The following UBA6 variants were observed in gnomAD, a reference collection of about 807,000 sequenced individuals.
UBA6 encodes the protein ubiquitin like modifier activating enzyme 6, also known as ubiquitin-like modifier-activating enzyme 6.
A neutral mutation model predicts 148.3 loss-of-function variants in UBA6; 87 were observed. The ratio of observed to expected loss-of-function variants is 0.59; its 90% CI spans 0.49 to 0.70. UBA6 has a LOEUF of 0.70. UBA6 is among the 30% of genes least tolerant of loss of function. The pLI, the probability that UBA6 is intolerant of heterozygous loss-of-function variation, is 0.00. For synonymous variants in UBA6, 376 were observed against 401.0 expected (o/e 0.94, Z 0.75); for missense variants, 1,186 against 1,241.2 (o/e 0.96, Z 0.67).
chr4:67,669,914 C>G (rs1441359621), intron 8 of UBA6, among the ~76,000 whole-genome samples: 2 of 151,976 alleles, frequency 1.3e-5, no homozygotes, highest in Non-Finnish European at 2.9e-5. Context: ...AAATTTATGA[C>G]AAGCAAATGT....
chr4:67,675,800 G>T (rs1372866482), intron 6 of UBA6, among the ~76,000 whole-genome samples: 1 of 151,792 alleles, frequency 6.6e-6, no homozygotes, highest in Non-Finnish European at 1.5e-5. Flanking sequence ...GAGAAAGAAA[G>T]AAAAATAAAT....
At chr4:67,678,266 T>C (rs1236846665) in intron 5 of UBA6, among the ~76,000 whole-genome samples, 173 bp downstream of exon 5, 2 of 150,808 alleles carry the variant, frequency 1.3e-5, no homozygotes, top group Non-Finnish European at 3.0e-5. Context: ...AAAGGAAATA[T>C]TCTAAGTAAA....
chr4:67,663,485 C>A, intron 11 of UBA6: 2 of 367,970 alleles, frequency 5.4e-6, no homozygotes, highest in Non-Finnish European at 4.8e-6. Context: ...ACATTTACTG[C>A]TACAAAATTA....
At chr4:67,649,246 C>CT (rs762398324) in intron 13 of UBA6, 35 bp from the exon 14 acceptor site, 1 of 1,587,586 alleles carries the variant, frequency 6.3e-7, no homozygotes, top group Non-Finnish European at 8.6e-7. Flanking sequence ...ATAACATTAA[C>CT]AGCATTTACA....
intron 4 of UBA6, among the ~76,000 whole-genome samples, chr4:67,678,790 C>T (rs535514937): frequency 6.6e-6 from 1 of 152,266 alleles, no homozygotes; most frequent in South Asian, 2.1e-4. Flanking sequence ...ATGAGCGACT[C>T]TCATTATTAC....
chr4:67,634,329 C>T lies in UBA6; in HGVS notation c.1933-7G>A, dbSNP rs374267352. 9.5e-6 allele frequency: 15 copies of T among 1,571,104 alleles called. No individual in the cohort carries two copies. In the African/African-American group the frequency reaches 1.8e-4, roughly 19 times the overall value. On this transcript the variant is annotated splice_region_variant and splice_polypyrimidine_tract_variant and intron_variant, in intron 21 of 32. Transcript: ENST00000322244. ...GGGAAAAGGAACTTTCAAACTGTAA[C>T]AGAGAAAAGAAAAAAAAAATTACAA...
At chr4:67,691,543 G>C (rs1730693806) in intron 2 of UBA6, among the ~76,000 whole-genome samples, 1 of 152,068 alleles carries the variant, frequency 6.6e-6, no homozygotes. Context: ...GAATATTGCA[G>C]GAAAAAGTGA....
At position 67,701,151 on chromosome 4, in the gene UBA6, A is replaced by C; in HGVS notation, c.-32T>G. ...CTGAGACACCGCCGCCGGCTACTGG[A>C]AGGTAGGAAGGGGCGGGACCGTGGG... On this transcript the variant is annotated 5_prime_UTR_variant, in exon 1 of 33. Transcript: ENST00000322244. The C allele has an allele frequency of 6.2e-7, 1 of 1,607,288 alleles. No individual in the cohort carries two copies. The highest frequency in any genetic ancestry group is 8.5e-7 in the Non-Finnish European group (1 of 1,178,970).
Position 67,629,100 on chromosome 4 carries a change from T to C in UBA6, c.2371A>G (p.Lys791Glu). 6.2e-7 allele frequency: 1 copy of C among 1,610,196 alleles called. No individual in the cohort carries two copies. The highest frequency in any genetic ancestry group is 8.5e-7 in the Non-Finnish European group (1 of 1,177,182). ...DALLNILSEV[K>E]IQEFKPSNKV... Reference sequence around the variant, plus strand: ...TTGGAAGGCTTGAATTCCTGAATCTTTACTTCTGAAAGAATATTCAAGAGG... The same window carrying C: ...TTGGAAGGCTTGAATTCCTGAATCTCTACTTCTGAAAGAATATTCAAGAGG... Residue 791 changes from lysine (K) to glutamate (E), a missense_variant, in exon 27 of 33, where the codon AAG becomes GAG. Lys to Glu is a moderately conservative substitution (Grantham distance 56). Coordinates refer to ENST00000322244, the MANE Select transcript of UBA6 (RefSeq NM_018227.6).
chr4:67,629,732 A>G (rs927935381), intron 26 of UBA6, among the ~76,000 whole-genome samples: 2 of 152,066 alleles, frequency 1.3e-5, no homozygotes, highest in African/African-American at 4.8e-5. Context: ...CCCAAAAAGA[A>G]TATCAGACTG....
At chr4:67,629,191 TA>T in intron 26 of UBA6, 49 bp from the exon 27 acceptor site, 1 of 1,249,450 alleles carries the variant, frequency 8.0e-7, no homozygotes. Flanking sequence ...TTCTAAATTC[TA>T]AAGCTAAAAA....
At position 67,613,500 on chromosome 4, in the gene UBA6, C is replaced by T. The variant is rs920803677; in HGVS notation, c.*5497G>A. The stretch of plus-strand genomic sequence containing the variant: ...ACTGCAGGAGTGACAAATTTACATG[C>T]TTTCAATTAGAAATATGAGAACTGA... On this transcript the variant is annotated 3_prime_UTR_variant, in exon 33 of 33. Coordinates refer to ENST00000322244, the MANE Select transcript of UBA6 (RefSeq NM_018227.6). The T allele has an allele frequency of 9.9e-5, 15 of 152,100 alleles. No individual in the cohort carries two copies. The highest frequency in any genetic ancestry group is 3.6e-4 in the African/African-American group (15 of 41,416). 9.4% of individuals were successfully genotyped at this position (152,100 alleles called of 1,614,324 possible). A position where few individuals can be genotyped will look rare whatever the true frequency, so the allele number is the denominator to read the frequency against.
In UBA6 at chr4:67,670,488, G is replaced by T; in HGVS notation, c.651C>A (p.Phe217Leu). The T allele has an allele frequency of 6.3e-7, 1 of 1,581,314 alleles. No individual in the cohort carries two copies. The highest frequency in any genetic ancestry group is 8.7e-7 in the Non-Finnish European group (1 of 1,152,276). Residue 217 changes from phenylalanine (F) to leucine (L), a missense_variant, in exon 8 of 33, where the codon TTC (phenylalanine) becomes TTA (leucine). By Grantham distance (22) the Phe-to-Leu change is conservative. Coordinates refer to ENST00000322244, the MANE Select transcript of UBA6 (RefSeq NM_018227.6). ...ATCATACTTGCGTTATGTTTGAAAT[G>T]AAAATTTCTTTTGGTTCTTCTCCTG... ...DTTGEEPKEI[F>L]ISNITQANPG...
Position 67,622,888 on chromosome 4 carries a change from C to A in UBA6, c.2966G>T (p.Gly989Val). 1 of 1,612,826 alleles carries A rather than the reference C, an allele frequency of 6.2e-7. No homozygotes were observed. Among genetic ancestry groups the A allele is most frequent in the Non-Finnish European group, 8.5e-7 (1 of 1,179,538 alleles). The change falls in exon 32 of 33, where the codon GGA (glycine) becomes GTA (valine). Residue 989 changes from glycine (G) to valine (V), a missense_variant. Transcript: ENST00000322244. Reference protein sequence around the residue: ...YGIEPTMVVQGVKMLYVPVMP... With the variant: ...YGIEPTMVVQVVKMLYVPVMP... ...TACAGGAACATAAAGCATTTTGACT[C>A]CCTGTACCACCATTGTTGGCTCAAT...
intron 2 of UBA6, among the ~76,000 whole-genome samples, chr4:67,692,470 G>C (rs952182803): frequency 6.6e-6 from 1 of 152,144 alleles, no homozygotes; most frequent in Non-Finnish European, 1.5e-5. Flanking sequence ...ATATAAAGCT[G>C]CTAACCCCTG....
At chr4:67,659,261 A>C (rs1729779362) in intron 13 of UBA6, among the ~76,000 whole-genome samples, 1 of 152,170 alleles carries the variant, frequency 6.6e-6, no homozygotes, top group South Asian at 2.1e-4. Flanking sequence ...ACTGATGTTA[A>C]GACTCTCACT....
rs371467471 is a variant in UBA6 at position 67,665,172 on chromosome 4, G to A, written c.897+17C>T. ...TCTGTAAAAAAATGTTTTTTAAGCCGAAAAAAAAATACTTACAAAAAAAAC... is the reference window on the plus strand; with the variant it reads ...TCTGTAAAAAAATGTTTTTTAAGCCAAAAAAAAAATACTTACAAAAAAAAC... On this transcript the variant is annotated intron_variant, in intron 10 of 32. Coordinates refer to ENST00000322244, the MANE Select transcript of UBA6 (RefSeq NM_018227.6). 1.4e-4 allele frequency: 196 copies of A among 1,446,772 alleles called. No homozygotes were observed. In the African/African-American group the frequency reaches 1.8e-3, roughly 14 times the overall value. 89.6% of individuals were successfully genotyped at this position (1,446,772 alleles called of 1,614,324 possible). A position where few individuals can be genotyped will look rare whatever the true frequency, so the allele number is the denominator to read the frequency against.
intron 2 of UBA6, among the ~76,000 whole-genome samples, chr4:67,694,041 C>T (rs190216579): frequency 7.3e-5 from 11 of 151,394 alleles, no homozygotes; most frequent in Admixed American, 6.6e-4. Flanking sequence ...GGTGAAACCC[C>T]GCCTCTACTA....
chr4:67,681,032 A>G (rs915772846), intron 4 of UBA6, among the ~76,000 whole-genome samples: 1 of 152,188 alleles, frequency 6.6e-6, no homozygotes, highest in Non-Finnish European at 1.5e-5. Context: ...GCAGCCTTGT[A>G]AGAGACTCCC....
Sources: allele counts gnomAD v4.1 joint callset (sites outside exome capture counted in the v4.1 genomes callset), GRCh38; gene constraint gnomAD v4.1.1; transcripts MANE v1.5; gene names NCBI Gene and HGNC (gene_info 2026-07-23, HGNC 2026-07-21).